GMPS: variants seen among roughly 807,000 people sequenced by gnomAD.
GMPS encodes the protein GMP synthase [glutamine-hydrolyzing].
Under a neutral mutation model 77.9 loss-of-function variants are expected in GMPS, and 15 were observed. The ratio of observed to expected loss-of-function variants is 0.19; its 90% CI spans 0.13 to 0.30. GMPS has a LOEUF of 0.30. Ranked by LOEUF, GMPS falls within the 10% of genes least tolerant of loss-of-function variation. The probability of loss-of-function intolerance (pLI) is 1.00; values close to 1 mark genes in which losing one functional copy is unlikely to be tolerated. For missense variants in GMPS, 590 were observed against 838.8 expected, an observed-to-expected ratio of 0.70 and a Z score of 3.66; for synonymous variants, 224 against 275.9, an observed-to-expected ratio of 0.81 and a Z score of 1.86.
rs1013537848 is a variant in GMPS, at chr3:155,900,526, C to G, written c.324+2485C>G. Among the ~76,000 whole-genome samples the G allele has an allele frequency of 2.6e-5, 4 of 152,124 alleles. No homozygotes were observed. In the South Asian group the frequency reaches 8.3e-4, roughly 32 times the overall value. On this transcript the variant is annotated intron_variant, in intron 3 of 15. Coordinates refer to ENST00000496455, the MANE Select transcript of GMPS (RefSeq NM_003875.3). ...TTTGTAACATTTCCTAAGGAAGAAT[C>G]TCACAAGATATATTTTTAAGGCCTA...
chr3:155,872,350 T>G (rs530462053), intron 1 of GMPS, among the ~76,000 whole-genome samples: 34 of 152,334 alleles, frequency 2.2e-4, no homozygotes, highest in East Asian at 3.9e-4. Flanking sequence ...AAACCTTTAG[T>G]TTCTGACCTA....
In GMPS at chr3:155,893,606, A is replaced by G. The variant is rs1754526162; in HGVS notation, c.116A>G (p.Lys39Arg). The G allele has an allele frequency of 1.2e-6, 2 of 1,612,508 alleles. No homozygotes were observed. Among genetic ancestry groups the G allele is most frequent in the African/African-American group, 2.7e-5 (2 of 74,930 alleles). Reference protein sequence around the residue: ...VILDAGAQYGKVIDRRVRELF... With the variant: ...VILDAGAQYGRVIDRRVRELF... ...CTGGATGCTGGTGCTCAGTACGGGAAAGTCATAGACCGAAGAGTGAGGGAA... is the reference window on the plus strand; with the variant it reads ...CTGGATGCTGGTGCTCAGTACGGGAGAGTCATAGACCGAAGAGTGAGGGAA... Residue 39 changes from lysine (K) to arginine (R), a missense_variant, in exon 2 of 16, where the codon AAA (lysine) becomes AGA (arginine). Transcript: ENST00000496455.
rs748546400 is a variant in GMPS, at chr3:155,916,136, G to A, written c.1156G>A (p.Glu386Lys). The A allele has an allele frequency of 1.2e-6, 2 of 1,613,602 alleles. No individual in the cohort carries two copies. Among genetic ancestry groups the A allele is most frequent in the South Asian group, 2.2e-5 (2 of 91,062 alleles). The change falls in exon 9 of 16, where the codon GAA (glutamate) becomes AAA (lysine). Residue 386 changes from glutamate (E) to lysine (K), a missense_variant. By Grantham distance (56) the Glu-to-Lys change is moderately conservative (BLOSUM62 1). Around this residue, in one of 6 missense-constraint regions of GMPS, gnomAD observed 64 missense variants for 114.5 expected, o/e 0.56. Transcript: ENST00000496455. ...SASLVASGKAELIKTHHNDTE... is the reference protein window; with the variant it reads ...SASLVASGKAKLIKTHHNDTE... ...ATCCCTTGTTGCAAGTGGCAAAGCT[G>A]AACTCATCAAAACCCATCACAATGA...
At position 155,937,979 on chromosome 3, in the gene GMPS, CT is replaced by C; in HGVS notation, c.*288del. The C allele has an allele frequency of 3.2e-6, 1 of 311,590 alleles. No homozygotes were observed. The highest frequency in any genetic ancestry group is 4.8e-5 in the East Asian group (1 of 20,872). The allele number at this position is 311,590 out of a possible 1,614,324, so 19.3% of individuals were successfully genotyped here. ...TTATGTATAAATTCACTGTTGATGTCTCTGTGAATATGTATGAAGGTGGGTG... is the reference window on the plus strand; with the variant it reads ...TTATGTATAAATTCACTGTTGATGTCCTGTGAATATGTATGAAGGTGGGTG... On this transcript the variant is annotated 3_prime_UTR_variant, in exon 16 of 16. Coordinates refer to ENST00000496455, the MANE Select transcript of GMPS (RefSeq NM_003875.3).
At chr3:155,869,711 G>C (rs1753856573), upstream of GMPS, among the ~76,000 whole-genome samples, 1 of 152,158 alleles carries the variant, frequency 6.6e-6, no homozygotes, top group African/African-American at 2.4e-5. Context: ...GTTAAAGTTA[G>C]CTTTTAAAGT....
chr3:155,915,925 C>T, intron 8 of GMPS, 94 bp from the exon 9 acceptor site: 1 of 750,028 alleles, frequency 1.3e-6, no homozygotes, highest in Non-Finnish European at 2.2e-6. Context: ...ATCAGTATTT[C>T]TAAAGGACTC....
chr3:155,918,749 G>A (rs1290080538), intron 9 of GMPS, among the ~76,000 whole-genome samples: 1 of 151,948 alleles, frequency 6.6e-6, no homozygotes, highest in Non-Finnish European at 1.5e-5. Context: ...CATTAGCTTT[G>A]CTTATTTTTT....
intron 1 of GMPS, among the ~76,000 whole-genome samples, chr3:155,886,008 A>T (rs915382909): frequency 6.6e-6 from 1 of 151,982 alleles, no homozygotes; most frequent in Admixed American, 6.6e-5. Flanking sequence ...TTTAGTAGAG[A>T]TGAGGTTTTG....
At chr3:155,892,924 G>A (rs1020246680) in intron 1 of GMPS, among the ~76,000 whole-genome samples, 1 of 152,176 alleles carries the variant, frequency 6.6e-6, no homozygotes, top group Admixed American at 6.5e-5. Flanking sequence ...GAGCCACCGC[G>A]CCCGGCCTAA....
chr3:155,891,206 T>C (rs946326570), intron 1 of GMPS, among the ~76,000 whole-genome samples: 5 of 152,242 alleles, frequency 3.3e-5, no homozygotes, highest in African/African-American at 9.6e-5. Flanking sequence ...TAAACCATGG[T>C]AATTGAAATT....
chr3:155,932,693 C>A (rs949554956), intron 13 of GMPS, among the ~76,000 whole-genome samples: 2 of 152,122 alleles, frequency 1.3e-5, no homozygotes, highest in Non-Finnish European at 2.9e-5. Flanking sequence ...CTTGAGGTTT[C>A]ATTTTACTCA....
At chr3:155,913,131 C>T (rs1272958147) in intron 7 of GMPS, among the ~76,000 whole-genome samples, 7 of 152,202 alleles carry the variant, frequency 4.6e-5, no homozygotes, top group African/African-American at 1.7e-4. Context: ...ACCACTTCCT[C>T]TGTTTAACTG....
At chr3:155,925,482 G>A (rs1287341764) in intron 12 of GMPS, 116 bp downstream of exon 12, 2 of 648,858 alleles carry the variant, frequency 3.1e-6, no homozygotes, top group East Asian at 5.9e-5. Flanking sequence ...TCAGCTCATT[G>A]CAACCTCCGC....
At chr3:155,870,548 G>C (rs1437224126), upstream of GMPS, 1 of 288,080 alleles carries the variant, frequency 3.5e-6, no homozygotes, top group African/African-American at 2.2e-5. Context: ...GGGCCGGCCG[G>C]TTTGGCGGCG....
At position 155,939,936 on chromosome 3, in the gene GMPS, C is replaced by A. The variant is rs550738186; in HGVS notation, c.*2244C>A. ...AACAAGCTCACCTTAGGCATGGTTACTTAATTAATTTCAGAATTAAATTTC... is the reference window on the plus strand; with the variant it reads ...AACAAGCTCACCTTAGGCATGGTTAATTAATTAATTTCAGAATTAAATTTC... On this transcript the variant is annotated 3_prime_UTR_variant, in exon 16 of 16. Coordinates refer to ENST00000496455, the MANE Select transcript of GMPS (RefSeq NM_003875.3). The A allele has an allele frequency of 4.5e-5, 9 of 202,072 alleles. No homozygotes were observed. The South Asian group carries it at 1.7e-3, about 39-fold the overall frequency. 12.5% of individuals were successfully genotyped at this position (202,072 alleles called of 1,614,324 possible).
At chr3:155,906,464 T>C (rs1163381430) in intron 5 of GMPS, among the ~76,000 whole-genome samples, 1 of 152,192 alleles carries the variant, frequency 6.6e-6, no homozygotes, top group Non-Finnish European at 1.5e-5. Context: ...AGTCTCTCAC[T>C]TACTGGTTTA....
intron 6 of GMPS, 56 bp from the exon 7 acceptor site, chr3:155,911,058 T>A: frequency 7.2e-7 from 1 of 1,379,850 alleles, no homozygotes; most frequent in Non-Finnish European, 1.0e-6. Flanking sequence ...AAGCCAATAG[T>A]GTTTATTTTC....
rs961677629 is a variant in GMPS at position 155,943,987 on chromosome 3, T to C, written c.*6295T>C. 4 of 152,210 alleles carry C rather than the reference T, an allele frequency of 2.6e-5. No homozygotes were observed. Among genetic ancestry groups the C allele is most frequent in the Non-Finnish European group, 5.9e-5 (4 of 68,028 alleles). 9.4% of individuals were successfully genotyped at this position (152,210 alleles called of 1,614,324 possible). A position where few individuals can be genotyped will look rare whatever the true frequency, so the allele number is the denominator to read the frequency against. ...TGAGCTAAAGGTGTGCGTATACACA[T>C]GCACTTATAAAATTAAAGTCATATA... On this transcript the variant is annotated 3_prime_UTR_variant, in exon 16 of 16. Transcript: ENST00000496455.
intron 13 of GMPS, 50 bp downstream of exon 13, chr3:155,931,930 T>C (rs1432401611): frequency 3.6e-6 from 3 of 829,238 alleles, no homozygotes; most frequent in Admixed American, 3.7e-5. Context: ...GAAGGATGTA[T>C]TTCTTAAGGG....
Sources: gnomAD v4.1 joint callset for allele counts (sites outside exome capture counted in the v4.1 genomes callset) on GRCh38, gnomAD v4.1.1 for gene constraint, gnomAD v4.1.1 regional missense constraint, MANE v1.5 for transcripts, NCBI Gene and HGNC (gene_info 2026-07-23, HGNC 2026-07-21) for gene names.